RNF130: variants seen among roughly 807,000 people sequenced by gnomAD.
RNF130 encodes the protein ring finger protein 130, also known as E3 ubiquitin-protein ligase RNF130.
Under a neutral mutation model 44.6 loss-of-function variants are expected in RNF130, and 21 were observed. The observed-to-expected ratio is 0.47, with a 90% CI of 0.33 to 0.68. The LOEUF is 0.68. Among genes scored for constraint, RNF130 ranks in the 30% least tolerant of loss-of-function variants. RNF130 has a pLI of 0.02. For synonymous variants in RNF130, 214 were observed against 210.4 expected, an observed-to-expected ratio of 1.02 and a Z score of -0.15; for missense variants, 479 against 560.6, an observed-to-expected ratio of 0.85 and a Z score of 1.47.
At chr5:180,003,960 C>A (rs10073876) in intron 3 of RNF130, among the ~76,000 whole-genome samples, 23,014 of 152,136 alleles carry the variant, frequency 0.15, 1,931 homozygotes, top group Admixed American at 0.19. Flanking sequence ...CTGTTCTAAG[C>A]CCTTCACAAG....
exon 8 of RNF130, chr5:179,916,882 C>G (rs928905701): frequency 6.6e-6 from 1 of 152,412 alleles, no homozygotes; most frequent in South Asian, 2.1e-4. Context: ...TTACTCCTCC[C>G]TTAGGATGTT....
intron 7 of RNF130, chr5:179,940,103 C>A (rs567767546): frequency 1.1e-5 from 2 of 183,000 alleles, no homozygotes; most frequent in Admixed American, 1.2e-4. Context: ...ATCCTCAGAC[C>A]AGGCATGTCT....
At chr5:179,940,688 GT>G (rs957203081) in intron 7 of RNF130, among the ~76,000 whole-genome samples, 6 of 149,300 alleles carry the variant, frequency 4.0e-5, no homozygotes, top group East Asian at 2.0e-4. Context: ...TCTTGGTGTG[GT>G]TTTTTTTTCA....
At chr5:180,027,690 C>T (rs1764022811) in intron 2 of RNF130, among the ~76,000 whole-genome samples, 6 of 152,172 alleles carry the variant, frequency 3.9e-5, no homozygotes, top group Admixed American at 3.9e-4. Flanking sequence ...CTGCTCCACT[C>T]TTCCTCTCCA....
At chr5:180,044,502 G>T (rs865899496) in intron 1 of RNF130, among the ~76,000 whole-genome samples, 28 of 152,272 alleles carry the variant, frequency 1.8e-4, no homozygotes, top group African/African-American at 6.7e-4. Context: ...ACCAAAGAGA[G>T]ATACAATGTG....
intron 2 of RNF130, among the ~76,000 whole-genome samples, chr5:180,021,667 G>A (rs1360509953): frequency 2.0e-5 from 3 of 151,788 alleles, no homozygotes; most frequent in South Asian, 4.2e-4. Context: ...AGAAAAATTC[G>A]AAATATCATA....
chr5:180,059,881 G>A (rs974614148), intron 1 of RNF130, among the ~76,000 whole-genome samples: 1 of 152,176 alleles, frequency 6.6e-6, no homozygotes, highest in African/African-American at 2.4e-5. Context: ...GGACCTGTCA[G>A]TGAATACATC....
exon 8 of RNF130, chr5:179,912,090 C>T (rs575331375): frequency 1.3e-5 from 2 of 152,370 alleles, no homozygotes; most frequent in South Asian, 2.1e-4. Flanking sequence ...CCCACCCCCA[C>T]ATTACCTGTG....
At chr5:179,957,656 C>G (rs1019182976) in intron 8 of RNF130, among the ~76,000 whole-genome samples, 1 of 152,106 alleles carries the variant, frequency 6.6e-6, no homozygotes, top group African/African-American at 2.4e-5. Flanking sequence ...CTATGGCATC[C>G]CTTCAGAGTC....
downstream of RNF130, among the ~76,000 whole-genome samples, chr5:179,954,572 T>C (rs1450292070): frequency 6.6e-6 from 1 of 151,982 alleles, no homozygotes; most frequent in African/African-American, 2.4e-5. Flanking sequence ...CTGGCAAGGG[T>C]GAGAAGTTAC....
chr5:179,966,724 G>A (rs1040533708), intron 7 of RNF130, 82 bp downstream of exon 7: 14 of 1,224,712 alleles, frequency 1.1e-5, no homozygotes, highest in Middle Eastern at 2.0e-4. Flanking sequence ...AGGCTGAGGC[G>A]AGTGCCTTGA....
At chr5:179,947,934 T>G (rs1274167314) in intron 7 of RNF130, among the ~76,000 whole-genome samples, 1 of 152,162 alleles carries the variant, frequency 6.6e-6, no homozygotes, top group African/African-American at 2.4e-5. Context: ...AGCTCAGCCC[T>G]CAAATAGCTA....
chr5:179,938,732 ATAT>A (rs1233762853), intron 7 of RNF130, among the ~76,000 whole-genome samples: 1 of 152,216 alleles, frequency 6.6e-6, no homozygotes, highest in Non-Finnish European at 1.5e-5. Context: ...AACCAGAAAT[ATAT>A]TATCATTATT....
chr5:180,060,997 G>T (rs150844475), intron 1 of RNF130, among the ~76,000 whole-genome samples: 2,336 of 151,618 alleles, frequency 0.015, 70 homozygotes, highest in African/African-American at 0.054. Flanking sequence ...TGAACCCCGG[G>T]GGGGCGGAGC....
chr5:180,042,551 T>C (rs1764447177), intron 1 of RNF130, among the ~76,000 whole-genome samples: 1 of 152,190 alleles, frequency 6.6e-6, no homozygotes. Context: ...TTCATCACTA[T>C]CTGTTTCACC....
chr5:179,959,626 CAA>C (rs879337220), intron 8 of RNF130, among the ~76,000 whole-genome samples: 8 of 101,850 alleles, frequency 7.9e-5, no homozygotes, highest in African/African-American at 7.5e-5. Flanking sequence ...GACTCCGTCT[CAA>C]AAAAAAAAAA....
At chr5:179,936,672 G>GA (rs1474140508) in intron 7 of RNF130, among the ~76,000 whole-genome samples, 1 of 152,046 alleles carries the variant, frequency 6.6e-6, no homozygotes, top group Non-Finnish European at 1.5e-5. Context: ...TCTCTTTATT[G>GA]AAAAAGGAAA....
intron 3 of RNF130, among the ~76,000 whole-genome samples, chr5:179,992,564 A>G (rs1488420153): frequency 1.3e-5 from 2 of 152,204 alleles, no homozygotes; most frequent in Admixed American, 1.3e-4. Flanking sequence ...GGATTTAAGG[A>G]TCCATTGTTG....
downstream of RNF130, among the ~76,000 whole-genome samples, chr5:179,950,885 A>G (rs1459453938): frequency 6.6e-6 from 1 of 152,220 alleles, no homozygotes; most frequent in Non-Finnish European, 1.5e-5. Flanking sequence ...ATAAGGAGAG[A>G]AGGAAAGAAA....
Sources: allele counts gnomAD v4.1 joint callset (sites outside exome capture counted in the v4.1 genomes callset), GRCh38; gene constraint gnomAD v4.1.1; transcripts MANE v1.5; gene names NCBI Gene and HGNC (gene_info 2026-07-23, HGNC 2026-07-21).